BPNT1: variants seen among roughly 807,000 people sequenced by gnomAD.
BPNT1 encodes 3'(2'), 5'-bisphosphate nucleotidase 1.
A neutral mutation model predicts 36.9 loss-of-function variants in BPNT1; 28 were observed. That is an observed-to-expected ratio of 0.76 (90% confidence interval 0.56 to 1.04). The LOEUF is 1.04. BPNT1 is among the 50% of genes least tolerant of loss of function. The pLI is 0.00. For missense variants in BPNT1, 313 were observed against 372.9 expected (o/e 0.84, Z 1.32); for synonymous variants, 119 against 130.9 (o/e 0.91, Z 0.62).
chr1:220,076,333 T>C (rs961980810), intron 2 of BPNT1, among the ~76,000 whole-genome samples: 4 of 151,764 alleles, frequency 2.6e-5, no homozygotes, highest in Admixed American at 2.6e-4. Flanking sequence ...ACCCTATCTC[T>C]ACTAAAAATA....
intron 6 of BPNT1, 99 bp downstream of exon 6, chr1:220,067,203 C>T (rs1663614871): frequency 4.0e-6 from 2 of 502,258 alleles, no homozygotes; most frequent in Admixed American, 7.8e-5. Flanking sequence ...ATTGCATATG[C>T]AACCAAGCTA....
chr1:220,078,228 G>C (rs1664735492), intron 2 of BPNT1, among the ~76,000 whole-genome samples: 1 of 145,144 alleles, frequency 6.9e-6, no homozygotes, highest in African/African-American at 2.5e-5. Context: ...AGAATTTAAG[G>C]ATTAAAAGTC....
At chr1:220,078,884 C>T (rs61484867) in intron 2 of BPNT1, among the ~76,000 whole-genome samples, 21,938 of 151,966 alleles carry the variant, frequency 0.14, 1,982 homozygotes, top group Admixed American at 0.22. Flanking sequence ...CGTGAGCCAC[C>T]GCACCCGGTC....
chr1:220,059,907 A>C, intron 7 of BPNT1, 116 bp from the exon 8 acceptor site: 1 of 695,242 alleles, frequency 1.4e-6, no homozygotes, highest in Admixed American at 3.1e-5. Context: ...ACATTTAATC[A>C]GTTCCTCTGT....
chr1:220,059,536 A>C, intron 8 of BPNT1, 150 bp downstream of exon 8: 1 of 514,904 alleles, frequency 1.9e-6, no homozygotes, highest in South Asian at 4.6e-5. Context: ...TCCATCTATC[A>C]TATGAGGGGT....
At chr1:220,077,928 G>A (rs1664700565) in intron 2 of BPNT1, among the ~76,000 whole-genome samples, 1 of 152,028 alleles carries the variant, frequency 6.6e-6, no homozygotes, top group African/African-American at 2.4e-5. Context: ...CATAATCTCA[G>A]CACCTTGGGA....
chr1:220,062,213 T>C (rs567097730), intron 7 of BPNT1, among the ~76,000 whole-genome samples: 53 of 151,748 alleles, frequency 3.5e-4, no homozygotes, highest in African/African-American at 1.3e-3. Context: ...TACATATGTA[T>C]ACATGTGCCA....
chr1:220,072,529 G>A (rs1347155628), intron 4 of BPNT1, among the ~76,000 whole-genome samples: 1 of 152,096 alleles, frequency 6.6e-6, no homozygotes, highest in Non-Finnish European at 1.5e-5. Flanking sequence ...TGCCGAGTCT[G>A]GTCTCGAACT....
At chr1:220,070,482 A>G (rs1196162741) in intron 4 of BPNT1, among the ~76,000 whole-genome samples, 1 of 152,030 alleles carries the variant, frequency 6.6e-6, no homozygotes, top group Admixed American at 6.5e-5. Flanking sequence ...AGTAGCTGGG[A>G]CTACAGGCGC....
chr1:220,080,468 T>C (rs1046636655), intron 1 of BPNT1, among the ~76,000 whole-genome samples: 19 of 152,030 alleles, frequency 1.2e-4, no homozygotes, highest in Non-Finnish European at 2.5e-4. Context: ...AGGAAAGAGG[T>C]TGAATTGACT....
At chr1:220,086,339 C>G (rs111806722) in intron 1 of BPNT1, among the ~76,000 whole-genome samples, 1 of 152,146 alleles carries the variant, frequency 6.6e-6, no homozygotes, top group Admixed American at 6.6e-5. Flanking sequence ...GGCCTGATAT[C>G]GGCTCACTGC....
At chr1:220,080,133 G>T (rs1353370464) in intron 1 of BPNT1, among the ~76,000 whole-genome samples, 1 of 152,206 alleles carries the variant, frequency 6.6e-6, no homozygotes, top group Non-Finnish European at 1.5e-5. Flanking sequence ...ATGTGAAAAA[G>T]TTTGTGTATG....
intron 2 of BPNT1, among the ~76,000 whole-genome samples, chr1:220,076,475 T>G (rs1356499593): frequency 3.8e-5 from 5 of 132,148 alleles, no homozygotes; most frequent in Admixed American, 1.8e-4. Flanking sequence ...TACTCCAGCC[T>G]GGGTGACAGA....
chr1:220,070,358 T>G (rs1459634317), intron 4 of BPNT1, among the ~76,000 whole-genome samples: 1 of 150,838 alleles, frequency 6.6e-6, no homozygotes, highest in Non-Finnish European at 1.5e-5. Context: ...CTTTTTTGCT[T>G]TTTTTGAGAC....
chr1:220,059,349 C>A (rs1259972422), intron 8 of BPNT1, among the ~76,000 whole-genome samples: 6 of 127,330 alleles, frequency 4.7e-5, no homozygotes, highest in Non-Finnish European at 9.3e-5. Flanking sequence ...CCCAGGAGTT[C>A]AAGGGTGCAG....
At chr1:220,080,055 T>C (rs1460831581) in intron 1 of BPNT1, among the ~76,000 whole-genome samples, 2 of 152,224 alleles carry the variant, frequency 1.3e-5, no homozygotes, top group Admixed American at 6.5e-5. Context: ...ATAAATTCTG[T>C]ATTTTTTATG....
rs758908259 is a variant in BPNT1 at position 220,079,805 on chromosome 1, G to C, written c.42C>G (p.Ser14=). 6.2e-7 allele frequency: 1 copy of C among 1,613,800 alleles called. No individual in the cohort carries two copies. Among genetic ancestry groups the C allele is most frequent in the Non-Finnish European group, 8.5e-7 (1 of 1,179,874 alleles). Residue 14 remains serine (S), a synonymous_variant, in exon 2 of 9, where the codon TCC becomes TCG. Coordinates refer to ENST00000322067, the MANE Select transcript of BPNT1 (RefSeq NM_006085.6). The part of the protein sequence containing the change: ...SNTVLMRLVA[S]AYSIAQKAGM... ...CTGCCTTTTGAGCAATAGAATATGC[G>C]GAGGCTACCAACCGCATCAACACAG...
intron 1 of BPNT1, among the ~76,000 whole-genome samples, chr1:220,085,115 C>CA (rs763331480): frequency 5.3e-5 from 8 of 150,902 alleles, no homozygotes; most frequent in Non-Finnish European, 1.0e-4. Context: ...ATTATCAAAA[C>CA]AAAAAATCTA....
rs1204888017 is a variant in BPNT1 at position 220,079,773 on chromosome 1, A to G, written c.74T>C (p.Ile25Thr). 1.2e-6 allele frequency: 2 copies of G among 1,614,188 alleles called. No homozygotes were observed. Among genetic ancestry groups the G allele is most frequent in the Non-Finnish European group, 1.7e-6 (2 of 1,180,020 alleles). ...TCCTTCAGCAATAACACGTCTGACT[A>G]TCATTCCTGCCTTTTGAGCAATAGA... ...AYSIAQKAGM[I>T]VRRVIAEGDL... The change falls in exon 2 of 9, where the codon ATA becomes ACA. Residue 25 changes from isoleucine to threonine, a missense_variant. By Grantham distance (89) the Ile-to-Thr change is moderately conservative (BLOSUM62 -1). Transcript: ENST00000322067.
Sources: gnomAD v4.1 joint callset for allele counts (sites outside exome capture counted in the v4.1 genomes callset) on GRCh38, gnomAD v4.1.1 for gene constraint, MANE v1.5 for transcripts, NCBI Gene and HGNC (gene_info 2026-07-23, HGNC 2026-07-21) for gene names.